The following EPHA3 variants were observed in gnomAD, a reference collection of about 807,000 sequenced individuals.
EPHA3 encodes the protein ephrin type-A receptor 3.
In EPHA3, 42 loss-of-function variants were observed where a neutral mutation model predicts 107.1. The observed-to-expected ratio is 0.39, with a 90% CI of 0.31 to 0.51. The LOEUF (loss-of-function observed/expected upper bound fraction) is 0.51, where lower values mean the gene tolerates loss of function less well. EPHA3 is among the 20% of genes least tolerant of loss of function. EPHA3 has a pLI of 0.78. For missense variants in EPHA3, 1,183 were observed against 1,211.2 expected, an observed-to-expected ratio of 0.98 and a Z score of 0.35; for synonymous variants, 461 against 424.8, an observed-to-expected ratio of 1.09 and a Z score of -1.05.
At chr3:89,446,960 C>G (rs1709888464) in intron 13 of EPHA3, among the ~76,000 whole-genome samples, 1 of 152,064 alleles carries the variant, frequency 6.6e-6, no homozygotes, top group African/African-American at 2.4e-5. Context: ...ATGAATACAG[C>G]TCTGTTTGAC....
At position 89,155,063 on chromosome 3, in the gene EPHA3, T is replaced by C. The variant is rs1704769461; in HGVS notation, c.153+27790T>C. The stretch of plus-strand genomic sequence containing the variant: ...ACTGACAGCTATTAAGCACTTACTG[T>C]GTATATGTCTGATAGTGCTGTACAT... On this transcript the variant is annotated intron_variant, in intron 2 of 16. Transcript: ENST00000336596. Among the ~76,000 whole-genome samples, 3 of 151,548 alleles carry C rather than the reference T, an allele frequency of 2.0e-5. No individual in the cohort carries two copies. The South Asian group carries it at 6.2e-4, about 31-fold the overall frequency.
At chr3:89,271,041 C>T (rs1459565194) in intron 3 of EPHA3, among the ~76,000 whole-genome samples, 2 of 151,906 alleles carry the variant, frequency 1.3e-5, no homozygotes, top group Admixed American at 6.6e-5. Context: ...AGAATAAGCC[C>T]TCCCTACTAT....
chr3:89,459,147 TAACA>T (rs1424312530), intron 15 of EPHA3, among the ~76,000 whole-genome samples: 1 of 152,222 alleles, frequency 6.6e-6, no homozygotes, highest in African/African-American at 2.4e-5. Context: ...TATACCTATG[TAACA>T]AACCTGCAGG....
intron 13 of EPHA3, among the ~76,000 whole-genome samples, chr3:89,436,536 T>C (rs1296970664): frequency 2.0e-5 from 3 of 152,200 alleles, no homozygotes; most frequent in Non-Finnish European, 4.4e-5. Flanking sequence ...ATGAAGGACA[T>C]TTGAATCAAT....
chr3:89,240,074 C>G (rs1309713395), intron 3 of EPHA3, among the ~76,000 whole-genome samples: 1 of 152,116 alleles, frequency 6.6e-6, no homozygotes, highest in African/African-American at 2.4e-5. Flanking sequence ...GTCATCTAAC[C>G]CCAGTGGGGC....
At chr3:89,394,260 A>T (rs1708804917) in intron 5 of EPHA3, among the ~76,000 whole-genome samples, 2 of 152,174 alleles carry the variant, frequency 1.3e-5, no homozygotes, top group Non-Finnish European at 1.5e-5. Flanking sequence ...ATAATAAAAA[A>T]TTAGCTGATT....
At chr3:89,423,660 A>G (rs1709397177) in intron 11 of EPHA3, among the ~76,000 whole-genome samples, 1 of 151,410 alleles carries the variant, frequency 6.6e-6, no homozygotes, top group African/African-American at 2.4e-5. Context: ...TTAAAAAATC[A>G]CTGCTCGATA....
At chr3:89,280,771 T>C (rs1705925779) in intron 3 of EPHA3, among the ~76,000 whole-genome samples, 1 of 152,170 alleles carries the variant, frequency 6.6e-6, no homozygotes, top group South Asian at 2.1e-4. Context: ...ATACTGACTA[T>C]ATTACAACTA....
intron 15 of EPHA3, among the ~76,000 whole-genome samples, chr3:89,452,086 C>T (rs187878377): frequency 3.9e-5 from 6 of 152,110 alleles, no homozygotes; most frequent in Admixed American, 3.3e-4. Flanking sequence ...AACATATAAA[C>T]GTTTTTTATC....
chr3:89,393,067 G>A (rs1464865174), intron 5 of EPHA3, among the ~76,000 whole-genome samples: 13 of 151,824 alleles, frequency 8.6e-5, no homozygotes, highest in East Asian at 1.9e-4. Flanking sequence ...AAAAAGTACC[G>A]GGCTTCCAGC....
In EPHA3 at chr3:89,399,497, T is replaced by C. The variant is rs1708915210; in HGVS notation, c.1594+17T>C. 6.2e-7 allele frequency: 1 copy of C among 1,613,390 alleles called. No homozygotes were observed. Among genetic ancestry groups the C allele is most frequent in the African/African-American group, 1.3e-5 (1 of 74,908 alleles). On this transcript the variant is annotated intron_variant, in intron 7 of 16. Coordinates refer to ENST00000336596, the MANE Select transcript of EPHA3 (RefSeq NM_005233.6). The stretch of plus-strand genomic sequence containing the variant: ...GTCCAGACTGTATGTATTATTTCAA[T>C]GCAGTCTAGAGGAGGGGGCAGGGAT...
At chr3:89,227,810 A>G (rs1046057727) in intron 3 of EPHA3, among the ~76,000 whole-genome samples, 10 of 151,962 alleles carry the variant, frequency 6.6e-5, no homozygotes, top group Admixed American at 6.6e-4. Flanking sequence ...TTTATTTGTA[A>G]CGTTCCATGT....
At chr3:89,329,861 G>A (rs1707249375) in intron 3 of EPHA3, among the ~76,000 whole-genome samples, 2 of 151,856 alleles carry the variant, frequency 1.3e-5, no homozygotes, top group South Asian at 4.1e-4. Flanking sequence ...TTGTGTTTCT[G>A]ACATACAAAT....
chr3:89,225,132 C>G (rs1427717202), intron 3 of EPHA3, among the ~76,000 whole-genome samples: 5 of 152,136 alleles, frequency 3.3e-5, no homozygotes, highest in African/African-American at 7.2e-5. Flanking sequence ...GATCTAAAGA[C>G]GTGAAGGTAG....
intron 5 of EPHA3, among the ~76,000 whole-genome samples, chr3:89,357,056 C>T (rs1443828011): frequency 3.1e-5 from 4 of 127,342 alleles, no homozygotes; most frequent in African/African-American, 9.0e-5. Context: ...TGCAGTGAGC[C>T]GAGACTGCAC....
At chr3:89,227,655 T>C (rs1376704675) in intron 3 of EPHA3, among the ~76,000 whole-genome samples, 1 of 151,958 alleles carries the variant, frequency 6.6e-6, no homozygotes, top group Admixed American at 6.6e-5. Context: ...AGTTAGGTAC[T>C]GGAGGGTGAT....
chr3:89,144,206 A>G (rs1172605951), intron 2 of EPHA3, among the ~76,000 whole-genome samples: 1 of 151,626 alleles, frequency 6.6e-6, no homozygotes, highest in East Asian at 1.9e-4. Flanking sequence ...TAATTGCCCT[A>G]AATATCCCTT....
chr3:89,350,834 C>A (rs910798303), intron 5 of EPHA3, among the ~76,000 whole-genome samples: 4 of 151,280 alleles, frequency 2.6e-5, no homozygotes, highest in African/African-American at 9.7e-5. Flanking sequence ...TTCCTTCTAA[C>A]AGACAGGACC....
At chr3:89,305,425 T>G (rs1706592397) in intron 3 of EPHA3, among the ~76,000 whole-genome samples, 1 of 152,166 alleles carries the variant, frequency 6.6e-6, no homozygotes, top group Non-Finnish European at 1.5e-5. Flanking sequence ...ATTTAAAGTT[T>G]ACAAATACAG....
Sources: allele counts gnomAD v4.1 joint callset (sites outside exome capture counted in the v4.1 genomes callset), GRCh38; gene constraint gnomAD v4.1.1; transcripts MANE v1.5; gene names NCBI Gene and HGNC (gene_info 2026-07-23, HGNC 2026-07-21).